Variants in KIF13B observed in about 807,000 individuals in gnomAD.
KIF13B encodes the protein kinesin-like protein KIF13B.
A neutral mutation model predicts 222.0 loss-of-function variants in KIF13B; 127 were observed. The observed-to-expected ratio is 0.57, with a 90% CI of 0.50 to 0.66. The LOEUF is 0.66. Among genes scored for constraint, KIF13B ranks in the 30% least tolerant of loss-of-function variants. KIF13B has a pLI of 0.00. For missense variants in KIF13B, 2,173 were observed against 2,379.0 expected, an observed-to-expected ratio of 0.91 and a Z score of 1.80; for synonymous variants, 976 against 919.0, an observed-to-expected ratio of 1.06 and a Z score of -1.12.
intron 2 of KIF13B, among the ~76,000 whole-genome samples, chr8:29,202,657 C>G (rs1259509800): frequency 1.3e-5 from 2 of 152,172 alleles, no homozygotes; most frequent in African/African-American, 2.4e-5. Context: ...GCCAGTTCCC[C>G]TAGCAGTGGA....
intron 2 of KIF13B, among the ~76,000 whole-genome samples, chr8:29,217,822 T>G (rs1814560793): frequency 6.6e-6 from 1 of 152,176 alleles, no homozygotes; most frequent in African/African-American, 2.4e-5. Context: ...GAAATTAATT[T>G]GCAATGTCAT....
chr8:29,084,065 C>A (rs1807931764), intron 37 of KIF13B, among the ~76,000 whole-genome samples: 1 of 152,126 alleles, frequency 6.6e-6, no homozygotes, highest in South Asian at 2.1e-4. Context: ...CAGGCGCCCA[C>A]CACCACGCCC....
intron 36 of KIF13B, 46 bp downstream of exon 36, chr8:29,099,087 A>T (rs1441579332): frequency 2.9e-6 from 4 of 1,393,262 alleles, no homozygotes; most frequent in Non-Finnish European, 3.1e-6. Context: ...TTTCTGAAAG[A>T]TGCTCAGATT....
chr8:29,235,103 T>C (rs146354929), intron 2 of KIF13B, among the ~76,000 whole-genome samples: 1,579 of 152,294 alleles, frequency 0.01, 11 homozygotes, highest in African/African-American at 0.021. Flanking sequence ...TTCTACCGTA[T>C]AATCCTAATA....
intron 2 of KIF13B, among the ~76,000 whole-genome samples, chr8:29,226,718 C>T (rs564118298): frequency 1.3e-5 from 2 of 152,220 alleles, no homozygotes; most frequent in Non-Finnish European, 2.9e-5. Flanking sequence ...GACATGTGTT[C>T]TTCTCTGCAT....
At chr8:29,183,923 G>A (rs10102538) in intron 6 of KIF13B, among the ~76,000 whole-genome samples, 38,052 of 151,934 alleles carry the variant, frequency 0.25, 5,096 homozygotes, top group Non-Finnish European at 0.26. Context: ...AATAAAGACA[G>A]CAAGAAGAGG....
At chr8:29,237,674 A>G in intron 2 of KIF13B, among the ~76,000 whole-genome samples, 1 of 152,196 alleles carries the variant, frequency 6.6e-6, no homozygotes, top group East Asian at 1.9e-4. Context: ...TCTATTGGCT[A>G]CCAGTTTATT....
At chr8:29,261,190 T>C (rs912974571) in intron 1 of KIF13B, among the ~76,000 whole-genome samples, 2 of 152,238 alleles carry the variant, frequency 1.3e-5, no homozygotes, top group African/African-American at 2.4e-5. Flanking sequence ...TAATGGAATC[T>C]ATGGGTAAAC....
intron 37 of KIF13B, among the ~76,000 whole-genome samples, chr8:29,082,540 G>A (rs147257533): frequency 6.6e-6 from 1 of 152,232 alleles, no homozygotes; most frequent in African/African-American, 2.4e-5. Context: ...TACTCGAGAG[G>A]CTGAGACAGG....
intron 24 of KIF13B, 60 bp from the exon 25 acceptor site, chr8:29,127,328 T>G (rs1209460722): frequency 1.3e-6 from 2 of 1,485,590 alleles, no homozygotes; most frequent in Non-Finnish European, 9.3e-7. Flanking sequence ...AAATTTGATT[T>G]AGAGAGACCC....
At chr8:29,089,637 T>C (rs537260367) in intron 37 of KIF13B, among the ~76,000 whole-genome samples, 2 of 152,212 alleles carry the variant, frequency 1.3e-5, no homozygotes, top group East Asian at 3.9e-4. Context: ...CTCAAGCCTA[T>C]AATCCCAGCA....
intron 37 of KIF13B, among the ~76,000 whole-genome samples, chr8:29,087,501 G>T (rs1284404558): frequency 6.6e-6 from 1 of 152,128 alleles, no homozygotes; most frequent in Non-Finnish European, 1.5e-5. Context: ...ACATCAATTA[G>T]ACCACATAAT....
At chr8:29,113,846 T>C (rs959071527) in intron 31 of KIF13B, among the ~76,000 whole-genome samples, 3 of 152,220 alleles carry the variant, frequency 2.0e-5, no homozygotes, top group Non-Finnish European at 4.4e-5. Flanking sequence ...GGTGCTTCAA[T>C]GCTACAGAAA....
intron 35 of KIF13B, among the ~76,000 whole-genome samples, chr8:29,106,518 G>A (rs1253163571): frequency 6.6e-6 from 1 of 151,138 alleles, no homozygotes; most frequent in African/African-American, 2.4e-5. Context: ...TGCAATCCCC[G>A]CTACTGGGGA....
chr8:29,204,646 G>A (rs1020304123), intron 2 of KIF13B, among the ~76,000 whole-genome samples: 1 of 152,200 alleles, frequency 6.6e-6, no homozygotes, highest in African/African-American at 2.4e-5. Context: ...CACATTCACA[G>A]GGTAATACAC....
intron 2 of KIF13B, among the ~76,000 whole-genome samples, chr8:29,213,872 T>C (rs1221521965): frequency 6.6e-6 from 1 of 151,934 alleles, no homozygotes; most frequent in East Asian, 1.9e-4. Context: ...GAAAACAGTT[T>C]GAATGCGGCA....
Position 29,123,360 on chromosome 8 carries a change from T to TCATACCATTCTGCTGGGGCCCCTGG in KIF13B, c.3460_3479+5dup. 6.2e-7 allele frequency: 1 copy of TCATACCATTCTGCTGGGGCCCCTGG among 1,613,664 alleles called. No homozygotes were observed. Among genetic ancestry groups the TCATACCATTCTGCTGGGGCCCCTGG allele is most frequent in the Non-Finnish European group, 8.5e-7 (1 of 1,179,878 alleles). On this transcript the variant is annotated splice_donor_region_variant and intron_variant, in intron 28 of 39. Transcript: ENST00000524189. ...GACCTCACAAGACGCACCACAGGGT[T>TCATACCATTCTGCTGGGGCCCCTGG]CATACCATTCTGCTGGGGCCCCTGG... is the stretch of plus-strand genomic sequence containing the variant.
intron 2 of KIF13B, among the ~76,000 whole-genome samples, chr8:29,200,083 C>T (rs1813626553): frequency 6.6e-6 from 1 of 152,104 alleles, no homozygotes; most frequent in South Asian, 2.1e-4. Flanking sequence ...AACCTGAATT[C>T]ACATCATCAT....
chr8:29,220,847 T>G (rs903144188), intron 2 of KIF13B, among the ~76,000 whole-genome samples: 1 of 152,096 alleles, frequency 6.6e-6, no homozygotes, highest in Non-Finnish European at 1.5e-5. Flanking sequence ...TGTAAAAACA[T>G]CCCAGAAAAT....
Sources: gnomAD v4.1 joint callset for allele counts (sites outside exome capture counted in the v4.1 genomes callset) on GRCh38, gnomAD v4.1.1 for gene constraint, MANE v1.5 for transcripts, NCBI Gene and HGNC (gene_info 2026-07-23, HGNC 2026-07-21) for gene names.